The following VXN variants were observed in gnomAD, a reference collection of about 807,000 sequenced individuals.
VXN encodes uncharacterized protein C8orf46.
In VXN, 7 loss-of-function variants were observed where a neutral mutation model predicts 23.1. That is an observed-to-expected ratio of 0.30 (90% CI 0.17 to 0.57). The LOEUF (loss-of-function observed/expected upper bound fraction) is 0.57. Ranked by LOEUF, VXN falls within the 20% of genes least tolerant of loss-of-function variation. The pLI, the probability that VXN is intolerant of heterozygous loss-of-function variation, is 0.91. For synonymous variants in VXN, 120 were observed against 105.8 expected (o/e 1.13, Z -0.83); for missense variants, 238 against 272.6 (o/e 0.87, Z 0.89).
chr8:66,516,378 C>T lies in VXN; in HGVS notation c.*302C>T. 4.9e-6 allele frequency: 1 copy of T among 203,642 alleles called. No homozygotes were observed. Among genetic ancestry groups the T allele is most frequent in the African/African-American group, 2.3e-5 (1 of 43,504 alleles). 12.6% of individuals were successfully genotyped at this position (203,642 alleles called of 1,614,324 possible). A position where few individuals can be genotyped will look rare whatever the true frequency, so the allele number is the denominator to read the frequency against. On this transcript the variant is annotated 3_prime_UTR_variant, in exon 6 of 6. Coordinates refer to ENST00000305454, the MANE Select transcript of VXN (RefSeq NM_152765.4). ...AAACTTTCCCAGCTCATTTTAAAGA[C>T]CTCCAAGGAAGGAAAAAAGCAATTC...
chr8:66,497,656 A>G (rs989151273), intron 2 of VXN, among the ~76,000 whole-genome samples: 1 of 152,118 alleles, frequency 6.6e-6, no homozygotes, highest in African/African-American at 2.4e-5. Context: ...TGGAGTTTCT[A>G]TTTCTATGAC....
intron 4 of VXN, among the ~76,000 whole-genome samples, chr8:66,512,626 G>A (rs1807837705): frequency 1.3e-5 from 2 of 152,114 alleles, no homozygotes; most frequent in South Asian, 2.1e-4. Flanking sequence ...GGCTGAGGAG[G>A]GCTGCCAAGG....
chr8:66,508,268 C>T (rs1388577694), intron 3 of VXN, among the ~76,000 whole-genome samples: 2 of 152,154 alleles, frequency 1.3e-5, no homozygotes, highest in Admixed American at 6.5e-5. Flanking sequence ...TTGGTACCTA[C>T]CTCAAGCCAC....
In VXN at chr8:66,496,366, GTGT is replaced by G; in HGVS notation, c.71-66_71-64del. On this transcript the variant is annotated intron_variant, in intron 1 of 5. Coordinates refer to ENST00000305454, the MANE Select transcript of VXN (RefSeq NM_152765.4). ...CTCGCCACAGATTCAAACCTTCTCA[GTGT>G]TGTTACTGTAGCTATGTCAGCCTCG... 4 of 1,419,710 alleles carry G rather than the reference GTGT, an allele frequency of 2.8e-6. No homozygotes were observed. In the South Asian group the frequency reaches 4.6e-5, roughly 16 times the overall value. 87.9% of individuals were successfully genotyped at this position (1,419,710 alleles called of 1,614,324 possible).
At chr8:66,505,636 G>A (rs62512584) in intron 3 of VXN, 108 bp downstream of exon 3, 13,570 of 1,308,390 alleles carry the variant, frequency 0.01, 321 homozygotes, top group African/African-American at 0.087. Context: ...TGCGGCCTCA[G>A]TCGCGCCAGG....
chr8:66,505,537 G>T lies in VXN; in HGVS notation c.280+9G>T. The T allele has an allele frequency of 6.7e-7, 1 of 1,482,780 alleles. No homozygotes were observed. The highest frequency in any genetic ancestry group is 2.5e-5 in the Admixed American group (1 of 40,546). 91.9% of individuals were successfully genotyped at this position (1,482,780 alleles called of 1,614,324 possible). A position where few individuals can be genotyped will look rare whatever the true frequency, so the allele number is the denominator to read the frequency against. On this transcript the variant is annotated intron_variant, in intron 3 of 5. Transcript: ENST00000305454. ...AGCCTCTGCCAGACCCGGTACGTGA[G>T]TCCCGGCCCCAGCTCCCCGCACCTC... is the stretch of plus-strand genomic sequence containing the variant.
intron 1 of VXN, chr8:66,494,817 A>G (rs1019193877): frequency 2.0e-5 from 3 of 152,148 alleles, no homozygotes; most frequent in Non-Finnish European, 4.4e-5. Flanking sequence ...TTACCCCTGG[A>G]TGTTCACGGT....
chr8:66,500,842 G>A (rs1056193535), intron 2 of VXN, among the ~76,000 whole-genome samples: 47 of 149,878 alleles, frequency 3.1e-4, no homozygotes, highest in African/African-American at 1.0e-3. Flanking sequence ...CAGCTGCATT[G>A]CATCCATGTT....
chr8:66,499,272 A>T (rs1366852298), intron 2 of VXN, among the ~76,000 whole-genome samples: 2 of 125,202 alleles, frequency 1.6e-5, no homozygotes, highest in African/African-American at 6.4e-5. Context: ...TCACTCTGTC[A>T]CCCAGACTGG....
At chr8:66,495,610 C>T (rs1807616961) in intron 1 of VXN, among the ~76,000 whole-genome samples, 1 of 152,132 alleles carries the variant, frequency 6.6e-6, no homozygotes, top group Admixed American at 6.6e-5. Flanking sequence ...TTAATCTTAT[C>T]TTTTTTCCCT....
intron 1 of VXN, chr8:66,494,983 A>AT (rs1807610080): frequency 6.6e-6 from 1 of 152,266 alleles, no homozygotes; most frequent in African/African-American, 2.4e-5. Context: ...TCTAAGCATA[A>AT]TGCTGAGTGC....
At chr8:66,510,430 C>G in intron 4 of VXN, 1 of 360,772 alleles carries the variant, frequency 2.8e-6, no homozygotes, top group Non-Finnish European at 5.0e-6. Context: ...ACATCTTATA[C>G]ATGGTGAGGG....
chr8:66,512,122 C>T (rs538057035), intron 4 of VXN, among the ~76,000 whole-genome samples: 1 of 152,038 alleles, frequency 6.6e-6, no homozygotes, highest in African/African-American at 2.4e-5. Flanking sequence ...CAGACCCTTC[C>T]TCAGGCCTGG....
rs534465385 is a variant in VXN at position 66,504,357 on chromosome 8, T to C, written c.127-1018T>C. Among the ~76,000 whole-genome samples, 40 of 151,902 alleles carry C rather than the reference T, an allele frequency of 2.6e-4. No homozygotes were observed. In the South Asian group the frequency reaches 8.3e-3, roughly 32 times the overall value. On this transcript the variant is annotated intron_variant, in intron 2 of 5. Coordinates refer to ENST00000305454, the MANE Select transcript of VXN (RefSeq NM_152765.4). ...CTTTCCGAGAGCGATGCTGAGAGAA[T>C]GAAAATAAAATCAGGAACAGCTGTG...
chr8:66,513,695 T>C, intron 5 of VXN, 58 bp downstream of exon 5: 6 of 1,468,312 alleles, frequency 4.1e-6, no homozygotes, highest in Non-Finnish European at 5.7e-6. Context: ...TGATCCTTCC[T>C]TCCCCAGAAG....
In VXN at chr8:66,516,267, C is replaced by T. The variant is rs1235091942; in HGVS notation, c.*191C>T. ...TCCCTCGAAGGCAATATAAAACTGC[C>T]CCTTCTTAGAATTGCTAAAGCCATT... On this transcript the variant is annotated 3_prime_UTR_variant, in exon 6 of 6. Transcript: ENST00000305454. 1.4e-5 allele frequency: 6 copies of T among 433,050 alleles called. No individual in the cohort carries two copies. The highest frequency in any genetic ancestry group is 3.7e-5 in the East Asian group (1 of 27,136). 26.8% of individuals were successfully genotyped at this position (433,050 alleles called of 1,614,324 possible).
intron 5 of VXN, 95 bp downstream of exon 5, chr8:66,513,732 C>T: frequency 3.2e-6 from 3 of 934,766 alleles, no homozygotes; most frequent in East Asian, 2.5e-5. Flanking sequence ...GTTGACAGAC[C>T]CTCGAGAGGC....
chr8:66,496,207 G>T (rs1257242926), intron 1 of VXN, among the ~76,000 whole-genome samples: 3 of 152,158 alleles, frequency 2.0e-5, no homozygotes, highest in Non-Finnish European at 4.4e-5. Flanking sequence ...TTCATCTGTT[G>T]GTGGACATTT....
intron 4 of VXN, 115 bp from the exon 5 acceptor site, chr8:66,513,425 C>T: frequency 1.1e-6 from 1 of 870,544 alleles, no homozygotes. Context: ...ATGATGAGGA[C>T]TATGCCCAGG....
Sources: gnomAD v4.1 joint callset for allele counts (sites outside exome capture counted in the v4.1 genomes callset) on GRCh38, gnomAD v4.1.1 for gene constraint, MANE v1.5 for transcripts, NCBI Gene and HGNC (gene_info 2026-07-23, HGNC 2026-07-21) for gene names.